Variants in PCBD1 observed in about 807,000 individuals in gnomAD.
PCBD1 encodes pterin-4-alpha-carbinolamine dehydratase.
PCBD1 carries 16 observed loss-of-function variants against 12.6 expected under a neutral mutation model. The ratio of observed to expected loss-of-function variants is 1.27; its 90% CI spans 0.86 to 1.93. PCBD1 has a LOEUF of 1.93. Among genes scored for constraint, PCBD1 ranks in the 30% most tolerant of loss-of-function variants. The pLI, the probability that PCBD1 is intolerant of heterozygous loss-of-function variation, is 0.00. For missense variants in PCBD1, 86 were observed against 130.1 expected (o/e 0.66, Z 1.65); for synonymous variants, 53 against 50.2 (o/e 1.05, Z -0.23).
downstream of PCBD1, chr10:70,882,572 C>T (rs1170611313): frequency 6.6e-6 from 1 of 152,274 alleles, no homozygotes; most frequent in Non-Finnish European, 1.5e-5. Flanking sequence ...GAGGACTTCC[C>T]TTTTATTTGG....
At position 70,885,230 on chromosome 10, in the gene PCBD1, G is replaced by A; in HGVS notation, c.138C>T (p.Ala46=). 1 of 1,613,678 alleles carries A rather than the reference G, an allele frequency of 6.2e-7. No homozygotes were observed. Among genetic ancestry groups the A allele is most frequent in the South Asian group, 1.1e-5 (1 of 91,072 alleles). Residue 46 remains alanine (A), a splice_region_variant and synonymous_variant, in exon 3 of 4, where the codon GCC becomes GCT. Transcript: ENST00000299299. ...GGGCCACTCTTGTCATGAACCCAAA[G>A]GCCTATTTAAGTGGAGTGAGAGCCA... ...KQFHFKDFNR[A]FGFMTRVALQ...
rs1589483674 is a variant in PCBD1 at position 70,883,685 on chromosome 10, T to C, written c.*265A>G. The C allele has an allele frequency of 7.5e-7, 1 of 1,341,688 alleles. No homozygotes were observed. Among genetic ancestry groups the C allele is most frequent in the South Asian group, 1.6e-5 (1 of 63,428 alleles). The allele number at this position is 1,341,688 out of a possible 1,614,324, so 83.1% of individuals were successfully genotyped here. A position where few individuals can be genotyped will look rare whatever the true frequency, so the allele number is the denominator to read the frequency against. ...CTGGCAAGAAAATCATTATTGTTGC[T>C]GGGAAGTTGCAAAGAAAGGGGAGAG... is the stretch of plus-strand genomic sequence containing the variant. On this transcript the variant is annotated 3_prime_UTR_variant, in exon 4 of 4. Coordinates refer to ENST00000299299, the MANE Select transcript of PCBD1 (RefSeq NM_000281.4).
intron 2 of PCBD1, 43 bp from the exon 3 acceptor site, chr10:70,885,275 A>C (rs757530102): frequency 1.3e-6 from 2 of 1,498,710 alleles, no homozygotes. Flanking sequence ...TCTAAGAGAA[A>C]GGACTTCTGG....
In PCBD1 at chr10:70,884,043, G is replaced by A; in HGVS notation, c.222C>T (p.His74=). 4 of 1,613,978 alleles carry A rather than the reference G, an allele frequency of 2.5e-6. No homozygotes were observed. The highest frequency in any genetic ancestry group is 3.4e-6 in the Non-Finnish European group (4 of 1,179,980). ...PEWFNVYNKV[H]ITLSTHECAG... Reference sequence around the variant, plus strand: ...CACACTCATGGGTGCTCAGCGTGATGTGGACCTGAAATGAAACCAGAAATT... The same window carrying A: ...CACACTCATGGGTGCTCAGCGTGATATGGACCTGAAATGAAACCAGAAATT... Residue 74 remains histidine (H), a synonymous_variant, in exon 4 of 4, where the codon CAC becomes CAT. Coordinates refer to ENST00000299299, the MANE Select transcript of PCBD1 (RefSeq NM_000281.4).
At chr10:70,884,724 T>C (rs1430013734) in intron 3 of PCBD1, among the ~76,000 whole-genome samples, 1 of 152,120 alleles carries the variant, frequency 6.6e-6, no homozygotes. Flanking sequence ...CCTCGTGATC[T>C]GCCCACCTCG....
chr10:70,884,648 A>C (rs910346942), intron 3 of PCBD1, among the ~76,000 whole-genome samples: 6 of 151,724 alleles, frequency 4.0e-5, no homozygotes, highest in Admixed American at 3.9e-4. Context: ...CGCCCGCCTA[A>C]TTTTTTTGTG....
chr10:70,886,722 G>C (rs1033395979), intron 1 of PCBD1, among the ~76,000 whole-genome samples: 1 of 152,226 alleles, frequency 6.6e-6, no homozygotes, highest in African/African-American at 2.4e-5. Flanking sequence ...TGGTTGGGAA[G>C]CTCAGGCCAA....
At chr10:70,886,829 A>C (rs1846592072) in intron 1 of PCBD1, among the ~76,000 whole-genome samples, 1 of 152,246 alleles carries the variant, frequency 6.6e-6, no homozygotes, top group Admixed American at 6.5e-5. Context: ...AAATTGGCAC[A>C]ATTCAGGCCA....
At chr10:70,883,410 AACAGAGGAAGTGCCTAGC>A (rs1846528203), downstream of PCBD1, 5 of 506,746 alleles carry the variant, frequency 9.9e-6, no homozygotes, top group South Asian at 7.0e-5. Context: ...CAGTACCTTG[AACAGAGGAAGTGCCTAGC>A]ACAGAGGAAG....
chr10:70,885,412 C>T (rs1301337356), intron 2 of PCBD1, among the ~76,000 whole-genome samples, 180 bp from the exon 3 acceptor site: 1 of 152,236 alleles, frequency 6.6e-6, no homozygotes, highest in Non-Finnish European at 1.5e-5. Context: ...ATTGTCCTTG[C>T]AGTAGGAAGA....
intron 1 of PCBD1, among the ~76,000 whole-genome samples, chr10:70,887,694 G>A (rs1371376274): frequency 2.6e-5 from 4 of 152,178 alleles, no homozygotes; most frequent in African/African-American, 9.6e-5. Context: ...GAGACAGAGA[G>A]GGGGACGCTG....
chr10:70,885,689 T>C, intron 2 of PCBD1, 109 bp downstream of exon 2: 1 of 1,332,974 alleles, frequency 7.5e-7, no homozygotes, highest in Non-Finnish European at 1.1e-6. Context: ...ACTGGATGAG[T>C]GTGGTGTCTG....
rs1320619253 is a variant in PCBD1, at chr10:70,883,548, C to T, written c.*402G>A. ...TAGTTTTATTTGAGACATAAAAACACATGTGTTTCTATTACATAGTGTGGG... is the reference window on the plus strand; with the variant it reads ...TAGTTTTATTTGAGACATAAAAACATATGTGTTTCTATTACATAGTGTGGG... On this transcript the variant is annotated 3_prime_UTR_variant, in exon 4 of 4. Coordinates refer to ENST00000299299, the MANE Select transcript of PCBD1 (RefSeq NM_000281.4). 1.8e-6 allele frequency: 2 copies of T among 1,109,342 alleles called. No individual in the cohort carries two copies. Among genetic ancestry groups the T allele is most frequent in the African/African-American group, 1.6e-5 (1 of 61,756 alleles). The allele number at this position is 1,109,342 out of a possible 1,614,324, so 68.7% of individuals were successfully genotyped here.
At chr10:70,888,410 G>C in intron 1 of PCBD1, 121 bp downstream of exon 1, 1 of 1,160,512 alleles carries the variant, frequency 8.6e-7, no homozygotes, top group South Asian at 1.7e-5. Context: ...CCCCACTTTC[G>C]GACCCCGGCG....
In PCBD1 at chr10:70,884,893, C is replaced by T. The variant is rs534607754; in HGVS notation, c.216+259G>A. Among the ~76,000 whole-genome samples the T allele has an allele frequency of 8.0e-4, 122 of 152,290 alleles. 3 individuals carry two copies. The South Asian group carries it at 0.024, about 30-fold the overall frequency. ...TTGGGTTTTGCCTTCTTAATGTCTA[C>T]TTAAATGTCTACTTTAACCACAACT... On this transcript the variant is annotated intron_variant, in intron 3 of 3. Coordinates refer to ENST00000299299, the MANE Select transcript of PCBD1 (RefSeq NM_000281.4).
intron 1 of PCBD1, among the ~76,000 whole-genome samples, chr10:70,886,770 A>G (rs552922823): frequency 3.3e-5 from 5 of 152,232 alleles, no homozygotes; most frequent in Admixed American, 3.3e-4. Flanking sequence ...TGGCAAACCT[A>G]GTGCCCCATC....
Position 70,885,842 on chromosome 10 carries a change from G to A in PCBD1, c.91C>T (p.Arg31Cys), listed in dbSNP as rs11554325. Residue 31 changes from arginine to cysteine, a missense_variant, in exon 2 of 4, where the codon CGT becomes TGT. Coordinates refer to ENST00000299299, the MANE Select transcript of PCBD1 (RefSeq NM_000281.4). ...RAVGWNELEG[R>C]DAIFKQFHFK... ...TGAAACTGCTTGAAGATGGCATCAC[G>A]GCCTTCCAGCTCATTCCACCCCACA... is the stretch of plus-strand genomic sequence containing the variant. 144 of 1,613,890 alleles carry A rather than the reference G, an allele frequency of 8.9e-5. No individual in the cohort carries two copies. Among genetic ancestry groups the A allele is most frequent in the Middle Eastern group, 1.6e-4 (1 of 6,084 alleles).
chr10:70,884,478 A>ATTTTTTTT (rs71012255), intron 3 of PCBD1, among the ~76,000 whole-genome samples: 3 of 108,464 alleles, frequency 2.8e-5, no homozygotes, highest in Admixed American at 1.2e-4. Flanking sequence ...ATGTGTCTGT[A>ATTTTTTTT]TTTTTTTTTT....
At chr10:70,888,182 G>C in intron 1 of PCBD1, 1 of 237,858 alleles carries the variant, frequency 4.2e-6, no homozygotes, top group East Asian at 8.9e-5. Flanking sequence ...AAGCAGAATC[G>C]GGCCACCAAG....
Sources: gnomAD v4.1 joint callset for allele counts (sites outside exome capture counted in the v4.1 genomes callset) on GRCh38, gnomAD v4.1.1 for gene constraint, MANE v1.5 for transcripts, NCBI Gene and HGNC (gene_info 2026-07-23, HGNC 2026-07-21) for gene names.